The following NBPF14 variants were observed in gnomAD, a reference collection of about 807,000 sequenced individuals.
NBPF14 encodes the protein NBPF member 14, also known as NBPF family member NBPF14.
Under a neutral mutation model 91.2 loss-of-function variants are expected in NBPF14, and 104 were observed. The ratio of observed to expected loss-of-function variants is 1.14; its 90% CI spans 0.97 to 1.34. The LOEUF (loss-of-function observed/expected upper bound fraction) is 1.34, where lower values mean the gene tolerates loss of function less well. NBPF14 is among the 40% of genes most tolerant of loss of function. NBPF14 has a pLI of 0.00. For missense variants in NBPF14, 908 were observed against 783.0 expected, an observed-to-expected ratio of 1.16 and a Z score of -1.91; for synonymous variants, 294 against 303.8, an observed-to-expected ratio of 0.97 and a Z score of 0.34.
At chr1:148,583,834 A>C (rs1661115652) in intron 11 of NBPF14, among the ~76,000 whole-genome samples, 1 of 72,050 alleles carries the variant, frequency 1.4e-5, no homozygotes, top group Non-Finnish European at 2.2e-5. Context: ...GTGCCACTGC[A>C]CTCCAGCCTG....
Position 148,572,559 on chromosome 1 carries a change from T to C in NBPF14, c.2642A>G (p.Asp881Gly), listed in dbSNP as rs1188739908. ...ACCTGAAGGAGTCGAATAACATCTATCCAGTGAGTCCTGCAAGACTTCAGG... is the reference window on the plus strand; with the variant it reads ...ACCTGAAGGAGTCGAATAACATCTACCCAGTGAGTCCTGCAAGACTTCAGG... The change falls in exon 21 of 71, where the codon GAT becomes GGT. Residue 881 changes from aspartate (D) to glycine (G), a missense_variant. Physicochemically the swap from Asp to Gly is moderately conservative, Grantham distance 94. This residue lies in a region of NBPF14 where 447 missense variants were observed against 189.1 expected (regional missense o/e 2.36). Transcript: ENST00000619423. The C allele has an allele frequency of 1.0e-4, 67 of 656,868 alleles. 8 individuals carry two copies. Among genetic ancestry groups the C allele is most frequent in the East Asian group, 7.3e-4 (27 of 37,112 alleles). The allele number at this position is 656,868 out of a possible 1,614,324, so 40.7% of individuals were successfully genotyped here.
At chr1:148,592,682 G>C (rs1248718626) in exon 4 of NBPF14, 1 of 1,588,430 alleles carries the variant, frequency 6.3e-7, no homozygotes, top group Admixed American at 1.7e-5. Context: ...CATACAATGA[G>C]CGGGAGGCAT....
At chr1:148,581,853 GC>G (rs1247318906) in intron 12 of NBPF14, among the ~76,000 whole-genome samples, 2,111 of 143,202 alleles carry the variant, frequency 0.015, 48 homozygotes, top group Admixed American at 0.084. Flanking sequence ...TGGGCTAAAT[GC>G]CCCAGTTAAA....
chr1:148,572,339 G>T, intron 21 of NBPF14, 104 bp downstream of exon 21: 1 of 284,470 alleles, frequency 3.5e-6, no homozygotes, highest in Non-Finnish European at 6.0e-6. Context: ...TCCTGCCTGC[G>T]GCAATGACGT....
chr1:148,591,568 A>G (rs1662477965), intron 4 of NBPF14, 64 bp from the exon 5 acceptor site: 1 of 1,609,488 alleles, frequency 6.2e-7, no homozygotes, highest in Non-Finnish European at 8.5e-7. Flanking sequence ...CAGTCAGCCC[A>G]ACGTGCACAG....
intron 36 of NBPF14, among the ~76,000 whole-genome samples, 163 bp from the exon 37 acceptor site, chr1:148,560,128 C>T (rs1186811660): frequency 1.3e-5 from 2 of 150,706 alleles, no homozygotes; most frequent in Admixed American, 6.6e-5. Flanking sequence ...AGAACAGGGC[C>T]AGGTAGAAAA....
chr1:148,536,043 C>A (rs1180516750), intron 67 of NBPF14, among the ~76,000 whole-genome samples, 181 bp downstream of exon 67: 7 of 149,900 alleles, frequency 4.7e-5, no homozygotes, highest in African/African-American at 1.5e-4. Flanking sequence ...GCCTTGCTCA[C>A]TGACCCATCC....
At chr1:148,535,052 G>A (rs1421822030) in intron 68 of NBPF14, among the ~76,000 whole-genome samples, 196 bp from the exon 69 acceptor site, 1 of 146,974 alleles carries the variant, frequency 6.8e-6, no homozygotes, top group African/African-American at 2.6e-5. Context: ...AAGACAGGGA[G>A]AGGGAGAGAG....
chr1:148,533,399 G>C (rs1178280053), intron 70 of NBPF14, among the ~76,000 whole-genome samples, 151 bp from the exon 71 acceptor site: 2 of 148,752 alleles, frequency 1.3e-5, no homozygotes, highest in Non-Finnish European at 3.0e-5. Context: ...TTGCCTTTAT[G>C]TTGGGATAGA....
intron 40 of NBPF14, among the ~76,000 whole-genome samples, chr1:148,557,159 G>A (rs1656750119): frequency 8.9e-6 from 1 of 112,168 alleles, no homozygotes; most frequent in South Asian, 3.5e-4. Context: ...AGGACACTCT[G>A]AGTTAGTGCC....
rs1384672111 is a variant in NBPF14, at chr1:148,587,477, A to T, written c.989-74T>A. On this transcript the variant is annotated intron_variant, in intron 7 of 70. Transcript: ENST00000619423. ...CTGTGGTCATTGCCTACAGGACAGG[A>T]GCCAGGTCCATCCCAAGGACAAAAC... 9.2e-6 allele frequency: 13 copies of T among 1,409,374 alleles called. No individual in the cohort carries two copies. In the East Asian group the frequency reaches 2.9e-4, roughly 32 times the overall value. The allele number at this position is 1,409,374 out of a possible 1,614,324, so 87.3% of individuals were successfully genotyped here. A position where few individuals can be genotyped will look rare whatever the true frequency, so the allele number is the denominator to read the frequency against.
At chr1:148,559,667 A>T (rs1371820485) in intron 37 of NBPF14, 126 bp downstream of exon 37, 3 of 627,358 alleles carry the variant, frequency 4.8e-6, no homozygotes, top group Admixed American at 5.0e-5. Context: ...TTCAACCTAC[A>T]TGTGCCTATA....
At chr1:148,577,559 C>CAG (rs1660087607) in intron 14 of NBPF14, among the ~76,000 whole-genome samples, 2 of 150,824 alleles carry the variant, frequency 1.3e-5, no homozygotes, top group South Asian at 4.2e-4. Flanking sequence ...CACACACACA[C>CAG]ACACACACAC....
intron 59 of NBPF14, among the ~76,000 whole-genome samples, chr1:148,542,113 C>A (rs1276389511): frequency 1.9e-5 from 2 of 103,100 alleles, no homozygotes; most frequent in Non-Finnish European, 3.4e-5. Flanking sequence ...CATATTTTTC[C>A]AATCAACTTA....
intron 14 of NBPF14, among the ~76,000 whole-genome samples, 176 bp downstream of exon 14, chr1:148,577,807 G>T (rs1334918135): frequency 1.4e-5 from 2 of 138,464 alleles, no homozygotes; most frequent in African/African-American, 5.7e-5. Flanking sequence ...ATAAGGGTAG[G>T]AAGAAATGGA....
At chr1:148,534,135 C>G (rs74372912) in intron 69 of NBPF14, among the ~76,000 whole-genome samples, 166 bp from the exon 70 acceptor site, 1 of 146,664 alleles carries the variant, frequency 6.8e-6, no homozygotes, top group Non-Finnish European at 1.5e-5. Context: ...GATAGAAATT[C>G]CTCGGTTTTT....
chr1:148,566,599 G>A (rs1658453003), intron 28 of NBPF14, among the ~76,000 whole-genome samples: 1 of 142,072 alleles, frequency 7.0e-6, no homozygotes, highest in Non-Finnish European at 1.6e-5. Context: ...ACACACTGAT[G>A]AGGGAGTAAC....
intron 14 of NBPF14, among the ~76,000 whole-genome samples, chr1:148,577,626 A>G (rs1323166451): frequency 1.3e-5 from 2 of 149,902 alleles, no homozygotes; most frequent in Non-Finnish European, 2.9e-5. Context: ...TGACACACTG[A>G]TGAGGGAGTC....
chr1:148,577,655 G>C (rs1660142814), intron 14 of NBPF14, among the ~76,000 whole-genome samples: 1 of 148,676 alleles, frequency 6.7e-6, no homozygotes, highest in East Asian at 2.0e-4. Flanking sequence ...CTCTGTATTT[G>C]TGCTCTCAGG....
Sources: allele counts gnomAD v4.1 joint callset (sites outside exome capture counted in the v4.1 genomes callset), GRCh38; gene constraint gnomAD v4.1.1; regional missense constraint gnomAD v4.1.1; transcripts MANE v1.5; gene names NCBI Gene and HGNC (gene_info 2026-07-23, HGNC 2026-07-21).